The following RAB3GAP1 variants were observed in gnomAD, a reference collection of about 807,000 sequenced individuals.
The protein encoded by RAB3GAP1 is RAB3 GTPase activating protein catalytic subunit 1, also known as rab3 GTPase-activating protein catalytic subunit.
Under a neutral mutation model 130.7 loss-of-function variants are expected in RAB3GAP1, and 86 were observed. That is an observed-to-expected ratio of 0.66 (90% CI 0.55 to 0.79). The LOEUF is 0.79. Ranked by LOEUF, RAB3GAP1 falls within the 30% of genes least tolerant of loss-of-function variation. The pLI is 0.00. For synonymous variants in RAB3GAP1, 367 were observed against 401.7 expected (o/e 0.91, Z 1.03); for missense variants, 1,029 against 1,169.4 (o/e 0.88, Z 1.75).
intron 19 of RAB3GAP1, among the ~76,000 whole-genome samples, chr2:135,155,575 T>C (rs1345169728): frequency 6.6e-6 from 1 of 152,152 alleles, no homozygotes; most frequent in Non-Finnish European, 1.5e-5. Context: ...TGGTATAGCC[T>C]ACCACTCAGG....
At position 135,105,443 on chromosome 2, in the gene RAB3GAP1, G is replaced by C. The variant is rs543613530; in HGVS notation, c.363-7708G>C. 7.0e-3 allele frequency among the ~76,000 whole-genome samples: 1,067 copies of C among 152,108 alleles called. 10 individuals carry two copies. The highest frequency in any genetic ancestry group is 0.024 in the African/African-American group (998 of 41,498). On this transcript the variant is annotated intron_variant, in intron 5 of 23. Coordinates refer to ENST00000264158, the MANE Select transcript of RAB3GAP1 (RefSeq NM_012233.3). Reference sequence around the variant, plus strand: ...GAGACGGGGTTTCACTCTGTTGGCCGGGCTGGTCTCCAGCTCCTAACCGCG... The same window carrying C: ...GAGACGGGGTTTCACTCTGTTGGCCCGGCTGGTCTCCAGCTCCTAACCGCG...
At chr2:135,080,116 CAA>C (rs764426198) in intron 3 of RAB3GAP1, among the ~76,000 whole-genome samples, 1,665 of 73,216 alleles carry the variant, frequency 0.023, 13 homozygotes, top group African/African-American at 0.062. Flanking sequence ...GACTCCGTCT[CAA>C]AAAAAAAAAA....
chr2:135,062,159 C>T (rs1349912568), intron 3 of RAB3GAP1, among the ~76,000 whole-genome samples: 1 of 152,120 alleles, frequency 6.6e-6, no homozygotes, highest in Non-Finnish European at 1.5e-5. Flanking sequence ...GCTGATCCGC[C>T]CGCCTCGGCT....
chr2:135,115,275 G>T lies in RAB3GAP1; in HGVS notation c.542G>T (p.Cys181Phe). The change falls in exon 7 of 24, where the codon TGT becomes TTT. Residue 181 changes from cysteine to phenylalanine, a missense_variant. Physicochemically the swap from Cys to Phe is radical, Grantham distance 205. This residue lies in a region of RAB3GAP1 where 510 missense variants were observed against 532.1 expected (regional missense o/e 0.96). Coordinates refer to ENST00000264158, the MANE Select transcript of RAB3GAP1 (RefSeq NM_012233.3). ...HKWRRMYVGE[C>F]QGPGVRTDFE... ...TGGCGAAGAATGTATGTAGGAGAATGTCAAGGTCCTGGTGTACGAACTGAT... is the reference window on the plus strand; with the variant it reads ...TGGCGAAGAATGTATGTAGGAGAATTTCAAGGTCCTGGTGTACGAACTGAT... 6.2e-7 allele frequency: 1 copy of T among 1,613,256 alleles called. No individual in the cohort carries two copies. The highest frequency in any genetic ancestry group is 8.5e-7 in the Non-Finnish European group (1 of 1,179,228).
Position 135,162,781 on chromosome 2 carries a change from T to TATG in RAB3GAP1, c.2420_2421insATG (p.Ile807_Ile808insCys), listed in dbSNP as rs756063376. On this transcript the variant is annotated inframe_insertion, in exon 21 of 24. Transcript: ENST00000264158. The stretch of plus-strand genomic sequence containing the variant: ...GAAAACATTTCTTCAGTTAAGAAGA[T>TATG]CATAAAGCAGATAATATCCCATTCC... 6.2e-7 allele frequency: 1 copy of TATG among 1,613,816 alleles called. No homozygotes were observed. Among genetic ancestry groups the TATG allele is most frequent in the Admixed American group, 1.7e-5 (1 of 60,020 alleles).
intron 3 of RAB3GAP1, among the ~76,000 whole-genome samples, chr2:135,074,746 A>G (rs1470572894): frequency 6.6e-6 from 1 of 152,242 alleles, no homozygotes; most frequent in Non-Finnish European, 1.5e-5. Context: ...AGGTAAAGAC[A>G]GGCAGATTTA....
chr2:135,109,804 G>A (rs766591788), intron 5 of RAB3GAP1, among the ~76,000 whole-genome samples: 1 of 151,998 alleles, frequency 6.6e-6, no homozygotes, highest in Non-Finnish European at 1.5e-5. Flanking sequence ...GGATGGTCTC[G>A]ATCTCCTGAC....
At chr2:135,065,147 A>C (rs1383971893) in intron 3 of RAB3GAP1, among the ~76,000 whole-genome samples, 5 of 152,126 alleles carry the variant, frequency 3.3e-5, no homozygotes, top group Non-Finnish European at 7.4e-5. Context: ...CAGAATTTAC[A>C]CCTCAATGTT....
intron 17 of RAB3GAP1, among the ~76,000 whole-genome samples, chr2:135,142,013 C>G (rs762180115): frequency 5.3e-5 from 8 of 152,220 alleles, no homozygotes; most frequent in Non-Finnish European, 1.2e-4. Context: ...ATTATCTTAG[C>G]TATTCTAGGT....
chr2:135,146,996 A>ACACT (rs1692015535), intron 17 of RAB3GAP1, among the ~76,000 whole-genome samples: 1 of 151,860 alleles, frequency 6.6e-6, no homozygotes. Context: ...ACACACACAC[A>ACACT]CACGAAAATT....
intron 23 of RAB3GAP1, among the ~76,000 whole-genome samples, chr2:135,166,215 T>C (rs2105004208): frequency 6.6e-6 from 1 of 152,154 alleles, no homozygotes; most frequent in South Asian, 2.1e-4. Flanking sequence ...ATGTGAAGTA[T>C]TTATATTTTT....
At chr2:135,148,536 C>A (rs192455497) in intron 17 of RAB3GAP1, among the ~76,000 whole-genome samples, 5 of 146,524 alleles carry the variant, frequency 3.4e-5, no homozygotes, top group Non-Finnish European at 1.5e-5. Context: ...TCACTGTTAC[C>A]GAGGCCTGAG....
At chr2:135,113,442 G>T (rs1478128151) in intron 6 of RAB3GAP1, among the ~76,000 whole-genome samples, 172 bp downstream of exon 6, 1 of 152,188 alleles carries the variant, frequency 6.6e-6, no homozygotes, top group Non-Finnish European at 1.5e-5. Context: ...CCTATTTAAA[G>T]AACTGCTACC....
At chr2:135,141,956 TA>T (rs1691855371) in intron 17 of RAB3GAP1, among the ~76,000 whole-genome samples, 1 of 152,246 alleles carries the variant, frequency 6.6e-6, no homozygotes, top group African/African-American at 2.4e-5. Context: ...AGCTTTATAA[TA>T]AGTCTATCTG....
intron 23 of RAB3GAP1, among the ~76,000 whole-genome samples, chr2:135,166,790 T>A (rs990803184): frequency 1.2e-4 from 18 of 152,228 alleles, no homozygotes; most frequent in African/African-American, 4.3e-4. Flanking sequence ...GTTTTCCACT[T>A]AATATACTTA....
intron 7 of RAB3GAP1, among the ~76,000 whole-genome samples, chr2:135,117,615 G>A (rs201262809): frequency 0.074 from 1,733 of 23,552 alleles, no homozygotes; most frequent in South Asian, 0.11. Flanking sequence ...TGCTTCTTCT[G>A]CTTCTGCTTC....
intron 18 of RAB3GAP1, among the ~76,000 whole-genome samples, chr2:135,152,400 AT>A (rs1482194263): frequency 6.6e-6 from 1 of 152,252 alleles, no homozygotes; most frequent in Non-Finnish European, 1.5e-5. Context: ...GAATTTTGGT[AT>A]GAAATGCCTT....
intron 13 of RAB3GAP1, among the ~76,000 whole-genome samples, chr2:135,131,071 A>T (rs1015369326): frequency 6.6e-6 from 1 of 152,234 alleles, no homozygotes; most frequent in Non-Finnish European, 1.5e-5. Context: ...GTTCGAGAGC[A>T]TGTTGAACGG....
At chr2:135,093,481 T>C in intron 4 of RAB3GAP1, 134 bp from the exon 5 acceptor site, 1 of 692,130 alleles carries the variant, frequency 1.4e-6, no homozygotes. Context: ...ACTCAAGAGC[T>C]ATCTTTAGAT....
Sources: gnomAD v4.1 joint callset for allele counts (sites outside exome capture counted in the v4.1 genomes callset) on GRCh38, gnomAD v4.1.1 for gene constraint, gnomAD v4.1.1 regional missense constraint, MANE v1.5 for transcripts, NCBI Gene and HGNC (gene_info 2026-07-23, HGNC 2026-07-21) for gene names.